The following DNAI4 variants were observed in gnomAD, a reference collection of about 807,000 sequenced individuals.
DNAI4 encodes the protein dynein axonemal intermediate chain 4.
Under a neutral mutation model 105.8 loss-of-function variants are expected in DNAI4, and 85 were observed. The observed-to-expected ratio is 0.80, with a 90% CI of 0.67 to 0.96. The LOEUF (loss-of-function observed/expected upper bound fraction) is 0.96. Among genes scored for constraint, DNAI4 ranks in the 40% least tolerant of loss-of-function variants. The pLI is 0.00. For synonymous variants in DNAI4, 352 were observed against 331.5 expected (o/e 1.06, Z -0.67); for missense variants, 1,014 against 1,005.6 (o/e 1.01, Z -0.11).
chr1:66,910,176 G>T (rs767082761), intron 1 of DNAI4, among the ~76,000 whole-genome samples: 2 of 152,016 alleles, frequency 1.3e-5, no homozygotes, highest in Non-Finnish European at 2.9e-5. Flanking sequence ...TTATGCCACT[G>T]TACTCCAGCC....
intron 16 of DNAI4, among the ~76,000 whole-genome samples, 176 bp downstream of exon 16, chr1:66,822,183 GAA>G (rs34707377): frequency 3.9e-4 from 58 of 147,376 alleles, no homozygotes; most frequent in South Asian, 6.4e-4. Flanking sequence ...AGACGAGGCT[GAA>G]AAAAAAAAAA....
Position 66,847,495 on chromosome 1 carries a change from G to A in DNAI4, c.1280C>T (p.Pro427Leu). The A allele has an allele frequency of 1.2e-6, 2 of 1,612,428 alleles. No homozygotes were observed. Among genetic ancestry groups the A allele is most frequent in the Non-Finnish European group, 1.7e-6 (2 of 1,179,646 alleles). Residue 427 changes from proline (P) to leucine (L), a missense_variant, in exon 8 of 17, where the codon CCT (proline) becomes CTT (leucine). Coordinates refer to ENST00000371026, the MANE Select transcript of DNAI4 (RefSeq NM_024763.5). ...TTTTTTTTAAATACCTTTTAAAACA[G>A]GAAGCTGACGATAAGCTGCAAGTTT... ...QPKLAAYRQL[P>L]VLKEPEPEEP...
chr1:66,849,104 G>A (rs1406548837), intron 7 of DNAI4, among the ~76,000 whole-genome samples: 1 of 152,182 alleles, frequency 6.6e-6, no homozygotes, highest in Non-Finnish European at 1.5e-5. Flanking sequence ...CTATCCAGTA[G>A]TAACAAAGTA....
At chr1:66,835,300 T>C (rs1358764922) in intron 11 of DNAI4, among the ~76,000 whole-genome samples, 2 of 152,108 alleles carry the variant, frequency 1.3e-5, no homozygotes, top group African/African-American at 4.8e-5. Flanking sequence ...ATAAGCACTA[T>C]GATAAAGGTA....
At chr1:66,837,381 A>AAAC (rs1557910132) in intron 10 of DNAI4, among the ~76,000 whole-genome samples, 2 of 151,704 alleles carry the variant, frequency 1.3e-5, no homozygotes, top group East Asian at 3.9e-4. Context: ...AAAAAAAAAA[A>AAAC]AAACATAATT....
At chr1:66,904,704 C>CCA (rs1649106162) in intron 2 of DNAI4, among the ~76,000 whole-genome samples, 1 of 151,962 alleles carries the variant, frequency 6.6e-6, no homozygotes, top group South Asian at 2.1e-4. Flanking sequence ...TGAATTTTAT[C>CCA]TTTTATGGAC....
chr1:66,875,281 G>C (rs573414496), intron 4 of DNAI4, among the ~76,000 whole-genome samples: 1 of 152,132 alleles, frequency 6.6e-6, no homozygotes, highest in Non-Finnish European at 1.5e-5. Flanking sequence ...AGTATATTTA[G>C]GGGGCATAAT....
At chr1:66,918,137 C>T (rs1198282856) in intron 1 of DNAI4, among the ~76,000 whole-genome samples, 1 of 152,128 alleles carries the variant, frequency 6.6e-6, no homozygotes, top group Non-Finnish European at 1.5e-5. Context: ...TCCAAAAAAG[C>T]CAGTTTAAAA....
rs1283635810 is a variant in DNAI4, at chr1:66,888,161, T to A, written c.643+2993A>T. On this transcript the variant is annotated intron_variant, in intron 4 of 16. Coordinates refer to ENST00000371026, the MANE Select transcript of DNAI4 (RefSeq NM_024763.5). ...AATAAATGTTTCCTTGCCACCTGTG[T>A]AGGTAGCAAAATATTTATCAGCATA... is the stretch of plus-strand genomic sequence containing the variant. Among the ~76,000 whole-genome samples, 82 of 152,068 alleles carry A rather than the reference T, an allele frequency of 5.4e-4. 1 individual carries two copies. Among genetic ancestry groups the A allele is most frequent in the Admixed American group, 5.3e-3 (81 of 15,250 alleles).
chr1:66,823,864 G>C (rs1157902779), intron 15 of DNAI4, among the ~76,000 whole-genome samples: 1 of 151,078 alleles, frequency 6.6e-6, no homozygotes, highest in Non-Finnish European at 1.5e-5. Context: ...TAGGTTGTCT[G>C]TTCACTCTGA....
chr1:66,834,241 A>T (rs531339998), intron 11 of DNAI4, 93 bp from the exon 12 acceptor site: 117 of 910,470 alleles, frequency 1.3e-4, no homozygotes, highest in Admixed American at 1.8e-4. Context: ...TTTCTAGAAG[A>T]TCATGACCTA....
At chr1:66,896,999 A>G (rs1030153901) in intron 2 of DNAI4, among the ~76,000 whole-genome samples, 1 of 152,248 alleles carries the variant, frequency 6.6e-6, no homozygotes, top group East Asian at 1.9e-4. Flanking sequence ...CTGCATTGCC[A>G]TAAACAGCAC....
chr1:66,924,820 G>T lies in DNAI4; in HGVS notation c.12C>A (p.Gly4=), dbSNP rs1468152983. The change falls in exon 1 of 17, where the codon GGC becomes GGA. Residue 4 remains glycine, a synonymous_variant. Transcript: ENST00000371026. MTP[G]KHSGASARAA... Reference sequence around the variant, plus strand: ...CTCGGGCCGAGGCTCCGGAATGTTTGCCGGGCGTCATGGCGACGGTGGAGC... The same window carrying T: ...CTCGGGCCGAGGCTCCGGAATGTTTTCCGGGCGTCATGGCGACGGTGGAGC... The T allele has an allele frequency of 6.2e-7, 1 of 1,613,994 alleles. No homozygotes were observed. Among genetic ancestry groups the T allele is most frequent in the South Asian group, 1.1e-5 (1 of 91,078 alleles).
At position 66,847,571 on chromosome 1, in the gene DNAI4, G is replaced by A; in HGVS notation, c.1204C>T (p.Gln402Ter). The change falls in exon 8 of 17, where the codon CAG becomes TAG. Residue 402 changes from glutamine to a stop codon, truncating the protein, a stop_gained. Transcript: ENST00000371026. LOFTEE classifies it high-confidence loss of function. The part of the protein sequence containing the change: ...DAILKSDKFH[Q>*]DLFFMERVLM... ...ACCCGTTCCATAAAAAATAAGTCCTGATGAAATTTGTCAGATTTTAATATT... is the reference window on the plus strand; with the variant it reads ...ACCCGTTCCATAAAAAATAAGTCCTAATGAAATTTGTCAGATTTTAATATT... The A allele has an allele frequency of 1.2e-6, 2 of 1,613,934 alleles. No individual in the cohort carries two copies. The highest frequency in any genetic ancestry group is 1.7e-6 in the Non-Finnish European group (2 of 1,179,948).
At chr1:66,892,638 G>A (rs572685376) in intron 3 of DNAI4, among the ~76,000 whole-genome samples, 5 of 152,240 alleles carry the variant, frequency 3.3e-5, no homozygotes, top group African/African-American at 1.2e-4. Context: ...AAACTGGGTG[G>A]CTCATGCCTG....
chr1:66,884,983 T>A (rs541531481), intron 4 of DNAI4, among the ~76,000 whole-genome samples: 58 of 152,222 alleles, frequency 3.8e-4, no homozygotes, highest in Non-Finnish European at 7.1e-4. Flanking sequence ...GTGTTATAAA[T>A]TTCCCTCTAA....
At chr1:66,903,396 G>A (rs759404158) in intron 2 of DNAI4, among the ~76,000 whole-genome samples, 10 of 152,282 alleles carry the variant, frequency 6.6e-5, no homozygotes, top group Non-Finnish European at 1.2e-4. Flanking sequence ...CAACTTTGCA[G>A]AATTTTTTAG....
chr1:66,824,764 C>T (rs1180025275), intron 15 of DNAI4, among the ~76,000 whole-genome samples: 3 of 152,082 alleles, frequency 2.0e-5, no homozygotes, highest in Non-Finnish European at 4.4e-5. Flanking sequence ...GATTTTGTAT[C>T]CTGAGAGTTT....
intron 5 of DNAI4, among the ~76,000 whole-genome samples, chr1:66,872,190 C>A (rs1346384252): frequency 6.6e-6 from 1 of 150,646 alleles, no homozygotes; most frequent in Non-Finnish European, 1.5e-5. Context: ...TTTTGCTTCA[C>A]ATATTTTCAG....
Sources: gnomAD v4.1 joint callset for allele counts (sites outside exome capture counted in the v4.1 genomes callset) on GRCh38, gnomAD v4.1.1 for gene constraint, MANE v1.5 for transcripts, NCBI Gene and HGNC (gene_info 2026-07-23, HGNC 2026-07-21) for gene names.